LEPR: variants seen among roughly 807,000 people sequenced by gnomAD.
LEPR encodes the protein leptin receptor.
Under a neutral mutation model 114.7 loss-of-function variants are expected in LEPR, and 56 were observed. That is an observed-to-expected ratio of 0.49 (90% CI 0.39 to 0.61). The LOEUF (loss-of-function observed/expected upper bound fraction) is 0.61, where lower values mean the gene tolerates loss of function less well. Ranked by LOEUF, LEPR falls within the 20% of genes least tolerant of loss-of-function variation. The pLI is 0.00. For synonymous variants in LEPR, 443 were observed against 461.4 expected (o/e 0.96, Z 0.51); for missense variants, 1,202 against 1,352.9 (o/e 0.89, Z 1.75).
In LEPR at chr1:65,623,028, C is replaced by T. The variant is rs775735896; in HGVS notation, c.2673+47C>T. 2.2e-5 allele frequency: 34 copies of T among 1,561,730 alleles called. No individual in the cohort carries two copies. In the African/African-American group the frequency reaches 3.5e-4, roughly 16 times the overall value. ...AACCCAGAATATATACGATTGCAAT[C>T]TAGACGCCATATGACTTATAGAGCA... On this transcript the variant is annotated intron_variant, in intron 19 of 19. Transcript: ENST00000349533.
intron 2 of LEPR, among the ~76,000 whole-genome samples, chr1:65,547,500 A>T (rs969164881): frequency 6.6e-6 from 1 of 151,862 alleles, no homozygotes; most frequent in African/African-American, 2.4e-5. Context: ...TTATTGGTCT[A>T]TTCAGAGATT....
chr1:65,456,544 C>T (rs1646878863), intron 2 of LEPR, among the ~76,000 whole-genome samples: 1 of 152,040 alleles, frequency 6.6e-6, no homozygotes. Context: ...GAGAACAGAC[C>T]TCTTTATTGC....
At chr1:65,538,131 CT>C (rs1650904462) in intron 2 of LEPR, among the ~76,000 whole-genome samples, 1 of 151,652 alleles carries the variant, frequency 6.6e-6, no homozygotes, top group Non-Finnish European at 1.5e-5. Flanking sequence ...TAATTTTCAG[CT>C]TTTTACTTTC....
chr1:65,568,213 T>C (rs890750007), intron 3 of LEPR, among the ~76,000 whole-genome samples: 3 of 152,210 alleles, frequency 2.0e-5, no homozygotes, highest in Middle Eastern at 3.2e-3. Flanking sequence ...CCCTTAGTAA[T>C]ATGCATTTAT....
Position 65,637,562 on chromosome 1 carries a change from T to G in LEPR, c.*547T>G, listed in dbSNP as rs1029136716. ...ATTGTTATGTACCAAATCTAAGATA[T>G]GTACCATAGAATGAAATAACCTGCA... On this transcript the variant is annotated 3_prime_UTR_variant, in exon 20 of 20. Transcript: ENST00000349533. 1 of 152,524 alleles carries G rather than the reference T, an allele frequency of 6.6e-6. No individual in the cohort carries two copies. 9.4% of individuals were successfully genotyped at this position (152,524 alleles called of 1,614,324 possible).
At chr1:65,502,735 C>A (rs928978203) in intron 2 of LEPR, among the ~76,000 whole-genome samples, 1 of 152,004 alleles carries the variant, frequency 6.6e-6, no homozygotes, top group East Asian at 1.9e-4. Flanking sequence ...GAGGAAGAGG[C>A]AGAGGATCCC....
intron 2 of LEPR, among the ~76,000 whole-genome samples, chr1:65,496,371 G>A (rs1487894100): frequency 6.6e-6 from 1 of 152,056 alleles, no homozygotes; most frequent in African/African-American, 2.4e-5. Context: ...TGAGGAGTTC[G>A]AGACCAGCCT....
chr1:65,522,218 C>A (rs538653891), intron 2 of LEPR, among the ~76,000 whole-genome samples: 25 of 152,248 alleles, frequency 1.6e-4, no homozygotes, highest in African/African-American at 5.5e-4. Flanking sequence ...TCTTTGTCAA[C>A]TTCCCCATCA....
chr1:65,497,332 A>C (rs1029209802), intron 2 of LEPR, among the ~76,000 whole-genome samples: 1 of 152,160 alleles, frequency 6.6e-6, no homozygotes, highest in Non-Finnish European at 1.5e-5. Flanking sequence ...TTTGGTCTCA[A>C]CTGGGTTTCT....
chr1:65,609,337 T>G (rs1004460980), intron 12 of LEPR, among the ~76,000 whole-genome samples: 2 of 152,248 alleles, frequency 1.3e-5, no homozygotes, highest in African/African-American at 4.8e-5. Context: ...GTTGATATCT[T>G]TTAGTACATA....
intron 18 of LEPR, 97 bp downstream of exon 18, chr1:65,621,555 C>A: frequency 9.6e-7 from 1 of 1,037,608 alleles, no homozygotes; most frequent in East Asian, 2.6e-5. Context: ...TTAAAGTCTT[C>A]TAAGTGCTTT....
chr1:65,518,901 CTTTCTTTCTTTCTT>C (rs1553160624), intron 2 of LEPR, among the ~76,000 whole-genome samples: 1 of 93,920 alleles, frequency 1.1e-5, no homozygotes, highest in African/African-American at 3.7e-5. Context: ...TTCTTTCTTT[CTTTCTTTCTTTCTT>C]TCTCTCTTTC....
intron 2 of LEPR, among the ~76,000 whole-genome samples, chr1:65,565,219 C>G (rs572561428): frequency 1.3e-5 from 2 of 152,288 alleles, no homozygotes; most frequent in South Asian, 4.1e-4. Context: ...TTAGCTGTTA[C>G]ATATTTTATC....
intron 3 of LEPR, among the ~76,000 whole-genome samples, chr1:65,566,405 G>A (rs1026661676): frequency 1.3e-4 from 20 of 152,146 alleles, no homozygotes; most frequent in East Asian, 5.8e-4. Flanking sequence ...GTTTCACTGC[G>A]TTGGCCAGAT....
rs144507703 is a variant in LEPR at position 65,529,549 on chromosome 1, AAGGGAGGGAGGGAGGG to A, written c.-20-35985_-20-35970del. Among the ~76,000 whole-genome samples, 4 of 100,104 alleles carry A rather than the reference AAGGGAGGGAGGGAGGG, an allele frequency of 4.0e-5. No individual in the cohort carries two copies. In the East Asian group the frequency reaches 1.1e-3, roughly 28 times the overall value. 65.7% of individuals were successfully genotyped at this position (100,104 alleles called of 152,430 possible). On this transcript the variant is annotated intron_variant, in intron 2 of 19. Transcript: ENST00000349533. The stretch of plus-strand genomic sequence containing the variant: ...AGAAAAAGAAAGGAAGGAAGGGAGG[AAGGGAGGGAGGGAGGG>A]AGGGAGGGAGGATTGTCTCTATTCC...
intron 2 of LEPR, chr1:65,435,524 C>T (rs941267776): frequency 1.0e-5 from 4 of 395,992 alleles, no homozygotes; most frequent in Admixed American, 6.4e-5. Context: ...CCCGCCACCA[C>T]GCCTGGCTAA....
At chr1:65,439,275 A>T (rs971462836) in intron 2 of LEPR, among the ~76,000 whole-genome samples, 65 of 152,196 alleles carry the variant, frequency 4.3e-4, no homozygotes, top group Non-Finnish European at 1.2e-4. Context: ...ATATTCCCTG[A>T]TTTCTAACTT....
intron 2 of LEPR, among the ~76,000 whole-genome samples, chr1:65,465,913 G>A (rs1647005933): frequency 6.6e-6 from 1 of 152,086 alleles, no homozygotes; most frequent in South Asian, 2.1e-4. Context: ...TTGAGCCTAT[G>A]TGTGTCTTTG....
intron 2 of LEPR, among the ~76,000 whole-genome samples, chr1:65,527,875 T>C (rs1162467188): frequency 6.6e-6 from 1 of 152,166 alleles, no homozygotes; most frequent in Non-Finnish European, 1.5e-5. Flanking sequence ...CAGGGAATCG[T>C]AGAACTCAAA....
Sources: allele counts gnomAD v4.1 joint callset (sites outside exome capture counted in the v4.1 genomes callset), GRCh38; gene constraint gnomAD v4.1.1; transcripts MANE v1.5; gene names NCBI Gene and HGNC (gene_info 2026-07-23, HGNC 2026-07-21).